Variants in COG1 observed in about 807,000 individuals in gnomAD.
COG1 encodes component of oligomeric golgi complex 1, also known as conserved oligomeric Golgi complex subunit 1.
COG1 carries 61 observed loss-of-function variants against 102.2 expected under a neutral mutation model. That is an observed-to-expected ratio of 0.60 (90% confidence interval 0.49 to 0.74). The LOEUF is 0.74. Ranked by LOEUF, COG1 falls within the 30% of genes least tolerant of loss-of-function variation. The pLI, the probability that COG1 is intolerant of heterozygous loss-of-function variation, is 0.00. For synonymous variants in COG1, 454 were observed against 493.6 expected (o/e 0.92, Z 1.06); for missense variants, 1,164 against 1,232.1 (o/e 0.94, Z 0.83).
intron 1 of COG1, among the ~76,000 whole-genome samples, chr17:73,194,108 C>T (rs1003582475): frequency 6.6e-6 from 1 of 151,816 alleles, no homozygotes; most frequent in Non-Finnish European, 1.5e-5. Flanking sequence ...GGGAGGTAAA[C>T]AAACACATCC....
chr17:73,201,819 G>T lies in COG1; in HGVS notation c.1992G>T (p.Gln664His). Reference protein sequence around the residue: ...KVKTQEIIPTQAKWQEVKEVL... With the variant: ...KVKTQEIIPTHAKWQEVKEVL... ...AAACTCAGGAAATCATTCCTACACA[G>T]GCCAAGTGGCAAGAGGTTAAAGAAG... Residue 664 changes from glutamine (Q) to histidine (H), a missense_variant, in exon 7 of 14, where the codon CAG becomes CAT. Transcript: ENST00000299886. 1 of 1,614,162 alleles carries T rather than the reference G, an allele frequency of 6.2e-7. No individual in the cohort carries two copies.
intron 7 of COG1, among the ~76,000 whole-genome samples, chr17:73,202,596 T>C (rs1391175635): frequency 6.6e-6 from 1 of 152,132 alleles, no homozygotes; most frequent in Non-Finnish European, 1.5e-5. Flanking sequence ...AAGACCAGCC[T>C]GGGCAACATG....
chr17:73,204,096 G>A (rs748074024), intron 9 of COG1, among the ~76,000 whole-genome samples: 4 of 152,144 alleles, frequency 2.6e-5, no homozygotes, highest in African/African-American at 4.8e-5. Context: ...GGGAGTTCAC[G>A]GCTGCAATGA....
At chr17:73,205,814 A>G in intron 10 of COG1, 134 bp downstream of exon 10, 2 of 1,211,368 alleles carry the variant, frequency 1.7e-6, no homozygotes, top group Non-Finnish European at 2.4e-6. Context: ...AAGTGCTCAT[A>G]TTGCCAGCAA....
intron 13 of COG1, 52 bp from the exon 14 acceptor site, chr17:73,208,262 G>T (rs1443748096): frequency 1.2e-6 from 2 of 1,611,034 alleles, no homozygotes; most frequent in Non-Finnish European, 8.5e-7. Context: ...GGGCGAGTGG[G>T]CAGGAGGGCT....
In COG1 at chr17:73,200,533, T is replaced by C. The variant is rs922671655; in HGVS notation, c.1071-33T>C. 10 of 1,577,116 alleles carry C rather than the reference T, an allele frequency of 6.3e-6. No individual in the cohort carries two copies. In the South Asian group the frequency reaches 1.0e-4, roughly 16 times the overall value. On this transcript the variant is annotated intron_variant, in intron 5 of 13. Coordinates refer to ENST00000299886, the MANE Select transcript of COG1 (RefSeq NM_018714.3). ...AATAAAGATGTGAACACCATGCCTCTGATGGAGCCCAAAGAACATGATTCT... is the reference window on the plus strand; with the variant it reads ...AATAAAGATGTGAACACCATGCCTCCGATGGAGCCCAAAGAACATGATTCT...
chr17:73,193,869 T>C (rs901218096), intron 1 of COG1, among the ~76,000 whole-genome samples: 9 of 152,102 alleles, frequency 5.9e-5, no homozygotes, highest in African/African-American at 2.4e-5. Context: ...TTCTACCCTT[T>C]GGGAGTTGTT....
At position 73,201,407 on chromosome 17, in the gene COG1, T is replaced by C. The variant is rs1555725185; in HGVS notation, c.1580T>C (p.Val527Ala). 1.9e-6 allele frequency: 3 copies of C among 1,614,176 alleles called. No individual in the cohort carries two copies. Among genetic ancestry groups the C allele is most frequent in the Non-Finnish European group, 2.5e-6 (3 of 1,180,024 alleles). Residue 527 changes from valine to alanine, a missense_variant, in exon 7 of 14, where the codon GTT becomes GCT. By Grantham distance (64) the Val-to-Ala change is moderately conservative (BLOSUM62 0). Transcript: ENST00000299886. ...FCSALDSKLK[V>A]KLDDLLAYLP... The stretch of plus-strand genomic sequence containing the variant: ...TCTGCCCTGGATTCTAAGCTGAAGG[T>C]TAAACTAGATGACCTCCTGGCTTAC...
chr17:73,208,070 GCC>G, intron 13 of COG1: 1 of 1,405,254 alleles, frequency 7.1e-7, no homozygotes, highest in South Asian at 1.5e-5. Context: ...GGAGAGAAGT[GCC>G]TGTGTCTACC....
rs4375725 is a variant in COG1, at chr17:73,200,020, A to G, written c.1069A>G (p.Met357Val). ...AGACACGCTGCAGAAATGGATCCAC[A>G]TGTAAGTAACCAGAAAGAGCTTCCC... is the stretch of plus-strand genomic sequence containing the variant. Reference protein sequence around the residue: ...LKDTLQKWIHMCNEDIKNGIT... With the variant: ...LKDTLQKWIHVCNEDIKNGIT... Residue 357 changes from methionine (M) to valine (V), a missense_variant and splice_region_variant, in exon 5 of 14, where the codon ATG (methionine) becomes GTG (valine). Physicochemically the swap from Met to Val is conservative, Grantham distance 21. Coordinates refer to ENST00000299886, the MANE Select transcript of COG1 (RefSeq NM_018714.3). 7 of 1,610,624 alleles carry G rather than the reference A, an allele frequency of 4.3e-6. No homozygotes were observed. The highest frequency in any genetic ancestry group is 2.7e-5 in the African/African-American group (2 of 74,898).
At chr17:73,194,242 A>C (rs185824472) in intron 1 of COG1, among the ~76,000 whole-genome samples, 1,822 of 148,016 alleles carry the variant, frequency 0.012, 94 homozygotes, top group African/African-American at 0.043. Context: ...GGAGATCCAG[A>C]CCATCCTGGC....
At chr17:73,197,507 G>A in intron 4 of COG1, 111 bp downstream of exon 4, 2 of 1,174,892 alleles carry the variant, frequency 1.7e-6, no homozygotes, top group South Asian at 1.3e-5. Flanking sequence ...GCAGTGAACT[G>A]GACAAATAGA....
At chr17:73,203,583 T>C (rs369842406) in intron 8 of COG1, 49 bp from the exon 9 acceptor site, 19 of 1,606,514 alleles carry the variant, frequency 1.2e-5, no homozygotes, top group Non-Finnish European at 1.4e-5. Flanking sequence ...TCACTGTGTG[T>C]CATTTAATTG....
chr17:73,205,246 T>C (rs1188043411), intron 9 of COG1: 1 of 379,520 alleles, frequency 2.6e-6, no homozygotes, highest in Non-Finnish European at 5.0e-6. Context: ...TCTTCTCTAA[T>C]GAGCCTCCTC....
Position 73,201,340 on chromosome 17 carries a change from A to G in COG1, c.1513A>G (p.Met505Val), listed in dbSNP as rs543395876. Residue 505 changes from methionine (M) to valine (V), a missense_variant, in exon 7 of 14, where the codon ATG becomes GTG. Physicochemically the swap from Met to Val is conservative, Grantham distance 21. Coordinates refer to ENST00000299886, the MANE Select transcript of COG1 (RefSeq NM_018714.3). ...RGQFASSGLS[M>V]KAQAISPCVQ... ...TCAGTTTGCCAGTAGCGGCCTCTCC[A>G]TGAAAGCACAAGCCATCAGCCCTTG... is the stretch of plus-strand genomic sequence containing the variant. 2 of 1,614,224 alleles carry G rather than the reference A, an allele frequency of 1.2e-6. No homozygotes were observed. The highest frequency in any genetic ancestry group is 1.1e-5 in the South Asian group (1 of 91,084).
intron 8 of COG1, chr17:73,203,396 C>T (rs2061354914): frequency 1.4e-6 from 1 of 704,026 alleles, no homozygotes; most frequent in African/African-American, 1.8e-5. Flanking sequence ...GCCGTGAAAT[C>T]AGCAGCATAA....
chr17:73,207,469 C>T, intron 13 of COG1: 1 of 668,894 alleles, frequency 1.5e-6, no homozygotes, highest in Non-Finnish European at 2.7e-6. Flanking sequence ...TACCAAGTAG[C>T]CTCTTAATAG....
In COG1 at chr17:73,205,612, T is replaced by C. The variant is rs188030828; in HGVS notation, c.2442T>C (p.Arg814=). Residue 814 remains arginine (R), a synonymous_variant, in exon 10 of 14, where the codon CGT becomes CGC. Transcript: ENST00000299886. The part of the protein sequence containing the change: ...NRALQLLYDL[R]YLNIVLTAKG... ...CGCTGCAGCTGCTTTATGATCTGCG[T>C]TACCTCAACATTGTTCTGACAGCCA... 1 of 1,614,166 alleles carries C rather than the reference T, an allele frequency of 6.2e-7. No homozygotes were observed. Among genetic ancestry groups the C allele is most frequent in the East Asian group, 2.2e-5 (1 of 44,884 alleles).
chr17:73,198,486 T>C (rs925665761), intron 4 of COG1, among the ~76,000 whole-genome samples: 1 of 152,200 alleles, frequency 6.6e-6, no homozygotes, highest in Non-Finnish European at 1.5e-5. Flanking sequence ...TTTGGGAGGC[T>C]GAGGCAGAAG....
Sources: allele counts gnomAD v4.1 joint callset (sites outside exome capture counted in the v4.1 genomes callset), GRCh38; gene constraint gnomAD v4.1.1; transcripts MANE v1.5; gene names NCBI Gene and HGNC (gene_info 2026-07-23, HGNC 2026-07-21).